The following KCNAB1 variants were observed in gnomAD, a reference collection of about 807,000 sequenced individuals.
KCNAB1 encodes the protein voltage-gated potassium channel subunit beta-1.
In KCNAB1, 35 loss-of-function variants were observed where a neutral mutation model predicts 64.6. The ratio of observed to expected loss-of-function variants is 0.54; its 90% confidence interval spans 0.41 to 0.72. The LOEUF is 0.72. Ranked by LOEUF, KCNAB1 falls within the 30% of genes least tolerant of loss-of-function variation. KCNAB1 has a pLI of 0.00. For missense variants in KCNAB1, 401 were observed against 512.9 expected (o/e 0.78, Z 2.11); for synonymous variants, 177 against 183.8 (o/e 0.96, Z 0.30).
At chr3:156,159,883 T>C (rs931632449) in intron 1 of KCNAB1, among the ~76,000 whole-genome samples, 1 of 152,218 alleles carries the variant, frequency 6.6e-6, no homozygotes, top group Non-Finnish European at 1.5e-5. Flanking sequence ...CTGGGCAATA[T>C]CACTGAGTTT....
chr3:156,517,160 A>G (rs143521022), intron 11 of KCNAB1, among the ~76,000 whole-genome samples: 113 of 152,360 alleles, frequency 7.4e-4, no homozygotes, highest in African/African-American at 2.6e-3. Flanking sequence ...TCTAAGAGGA[A>G]GTATAAGCCT....
chr3:156,436,591 T>A (rs1054962353), intron 2 of KCNAB1, among the ~76,000 whole-genome samples: 6 of 152,226 alleles, frequency 3.9e-5, no homozygotes, highest in Non-Finnish European at 7.3e-5. Flanking sequence ...GTTTCTTGAC[T>A]TTTTAATAAT....
intron 11 of KCNAB1, 167 bp from the exon 12 acceptor site, chr3:156,523,660 G>A: frequency 1.5e-6 from 1 of 664,638 alleles, no homozygotes. Flanking sequence ...CAAGGAGCAA[G>A]ATCGTGAGGA....
At chr3:156,497,652 C>T (rs1716098557) in intron 8 of KCNAB1, among the ~76,000 whole-genome samples, 1 of 152,182 alleles carries the variant, frequency 6.6e-6, no homozygotes, top group South Asian at 2.1e-4. Context: ...AGTCAGATAT[C>T]TGCAATGCAA....
At chr3:156,462,560 G>A (rs941027812) in intron 5 of KCNAB1, among the ~76,000 whole-genome samples, 6 of 152,110 alleles carry the variant, frequency 3.9e-5, no homozygotes, top group Admixed American at 2.6e-4. Context: ...TTACTTTTGG[G>A]GGGATTCACT....
At chr3:156,275,205 A>T (rs1485558437) in intron 1 of KCNAB1, among the ~76,000 whole-genome samples, 1 of 152,258 alleles carries the variant, frequency 6.6e-6, no homozygotes, top group Non-Finnish European at 1.5e-5. Flanking sequence ...CCCAGTGCAT[A>T]TAAAAGTTAT....
At chr3:156,511,222 G>C (rs1717186140) in intron 8 of KCNAB1, among the ~76,000 whole-genome samples, 1 of 151,994 alleles carries the variant, frequency 6.6e-6, no homozygotes, top group African/African-American at 2.4e-5. Context: ...TCTTGCCTCA[G>C]CCTCCCGAGT....
At chr3:156,436,244 T>A (rs950285834) in intron 2 of KCNAB1, among the ~76,000 whole-genome samples, 1 of 152,160 alleles carries the variant, frequency 6.6e-6, no homozygotes, top group African/African-American at 2.4e-5. Context: ...GCAAAGGACA[T>A]CTCATTCCTT....
intron 1 of KCNAB1, among the ~76,000 whole-genome samples, chr3:156,300,277 C>A (rs1024154173): frequency 6.6e-6 from 1 of 152,194 alleles, no homozygotes; most frequent in African/African-American, 2.4e-5. Context: ...GCATCGGAAA[C>A]TTCTTGTCCT....
At chr3:156,152,523 G>A (rs569181220) in intron 1 of KCNAB1, among the ~76,000 whole-genome samples, 1 of 152,282 alleles carries the variant, frequency 6.6e-6, no homozygotes, top group South Asian at 2.1e-4. Context: ...GTTCTCAATG[G>A]GCTAGATGGA....
chr3:156,209,393 A>G (rs1714876492), intron 1 of KCNAB1, among the ~76,000 whole-genome samples: 1 of 152,218 alleles, frequency 6.6e-6, no homozygotes, highest in Non-Finnish European at 1.5e-5. Context: ...TTTAGGGGAA[A>G]AGGTCATGAA....
chr3:156,312,108 C>T (rs1721950238), intron 1 of KCNAB1, among the ~76,000 whole-genome samples: 1 of 152,190 alleles, frequency 6.6e-6, no homozygotes, highest in African/African-American at 2.4e-5. Context: ...GAACATGATG[C>T]TATTAGAACG....
At chr3:156,284,448 G>A (rs541212937) in intron 1 of KCNAB1, among the ~76,000 whole-genome samples, 1 of 152,326 alleles carries the variant, frequency 6.6e-6, no homozygotes, top group East Asian at 1.9e-4. Flanking sequence ...CCCAGAGGTG[G>A]AGCCTACAGA....
intron 1 of KCNAB1, among the ~76,000 whole-genome samples, chr3:156,395,055 T>C (rs1488928074): frequency 1.3e-5 from 2 of 152,216 alleles, no homozygotes; most frequent in African/African-American, 2.4e-5. Flanking sequence ...AAATTAATTT[T>C]CTTAAGTTTC....
chr3:156,348,980 A>G (rs1349666867), intron 1 of KCNAB1, among the ~76,000 whole-genome samples: 1 of 152,214 alleles, frequency 6.6e-6, no homozygotes. Context: ...AGATCATGCT[A>G]TCAGCCTATA....
chr3:156,307,954 AG>A lies in KCNAB1; in HGVS notation c.276-113659del, dbSNP rs372669099. ...GGCACTGTTCCGGGTGTTGAGGATA[AG>A]GGAGTGAACGAAATAGCCTTGGCCT... On this transcript the variant is annotated intron_variant, in intron 1 of 13. Coordinates refer to ENST00000490337, the MANE Select transcript of KCNAB1 (RefSeq NM_172160.3). Among the ~76,000 whole-genome samples, 510 of 152,336 alleles carry A rather than the reference AG, an allele frequency of 3.3e-3. 4 individuals carry two copies. Among genetic ancestry groups the A allele is most frequent in the African/African-American group, 0.012 (486 of 41,582 alleles).
intron 1 of KCNAB1, among the ~76,000 whole-genome samples, chr3:156,387,014 C>CTCTTTTTTTT (rs60888308): frequency 1.5e-4 from 14 of 90,514 alleles, no homozygotes; most frequent in African/African-American, 7.6e-4. Context: ...TTCTCTCTCT[C>CTCTTTTTTTT]TTTTTTTTTT....
intron 1 of KCNAB1, among the ~76,000 whole-genome samples, chr3:156,306,731 G>C (rs113823245): frequency 6.6e-4 from 100 of 152,338 alleles, no homozygotes; most frequent in African/African-American, 2.4e-3. Context: ...ACATGGCCCT[G>C]TGACAGTGGA....
intron 1 of KCNAB1, among the ~76,000 whole-genome samples, chr3:156,325,501 G>T (rs1722913875): frequency 1.3e-5 from 2 of 151,948 alleles, no homozygotes; most frequent in African/African-American, 4.8e-5. Context: ...TAAAAATTAA[G>T]TAAACAAAAT....
Sources: allele counts gnomAD v4.1 joint callset (sites outside exome capture counted in the v4.1 genomes callset), GRCh38; gene constraint gnomAD v4.1.1; transcripts MANE v1.5; gene names NCBI Gene and HGNC (gene_info 2026-07-23, HGNC 2026-07-21).